Variants in UGT2A1 observed in about 807,000 individuals in gnomAD.
The protein encoded by UGT2A1 is UDP glucuronosyltransferase family 2 member A1 complex locus.
UGT2A1 carries 61 observed loss-of-function variants against 45.4 expected under a neutral mutation model. The ratio of observed to expected loss-of-function variants is 1.34; its 90% CI spans 1.09 to 1.66. UGT2A1 has a LOEUF of 1.66. UGT2A1 is among the 40% of genes most tolerant of loss of function. The probability of loss-of-function intolerance (pLI) is 0.00; values close to 1 mark genes in which losing one functional copy is unlikely to be tolerated. For synonymous variants in UGT2A1, 229 were observed against 196.2 expected (o/e 1.17, Z -1.40); for missense variants, 649 against 574.3 (o/e 1.13, Z -1.33).
intron 3 of UGT2A1, among the ~76,000 whole-genome samples, chr4:69,613,817 G>A (rs1560479100): frequency 6.6e-6 from 1 of 151,798 alleles, no homozygotes; most frequent in South Asian, 2.1e-4. Flanking sequence ...AGTATAGAAG[G>A]AACATAGCTC....
chr4:69,607,132 C>A (rs544263850), intron 3 of UGT2A1, among the ~76,000 whole-genome samples: 12 of 147,510 alleles, frequency 8.1e-5, no homozygotes. Context: ...GCCAAAAGAA[C>A]AAAGCTGGAG....
At chr4:69,611,131 G>GT (rs1489536029) in intron 3 of UGT2A1, among the ~76,000 whole-genome samples, 2 of 151,440 alleles carry the variant, frequency 1.3e-5, no homozygotes, top group Non-Finnish European at 2.9e-5. Context: ...GAAATCTACT[G>GT]TTTTTTGGGT....
At chr4:69,600,876 G>A (rs1017160866) in intron 3 of UGT2A1, among the ~76,000 whole-genome samples, 1 of 151,876 alleles carries the variant, frequency 6.6e-6, no homozygotes, top group Non-Finnish European at 1.5e-5. Context: ...GGAGGATGGC[G>A]CTAAACCTTT....
intron 3 of UGT2A1, among the ~76,000 whole-genome samples, chr4:69,624,960 G>T (rs1720957358): frequency 6.6e-6 from 1 of 151,152 alleles, no homozygotes; most frequent in African/African-American, 2.4e-5. Flanking sequence ...TCTTCAAGAA[G>T]TGGTGGTCTA....
chr4:69,637,189 T>C (rs1331640152), intron 2 of UGT2A1, among the ~76,000 whole-genome samples: 1 of 152,142 alleles, frequency 6.6e-6, no homozygotes, highest in Non-Finnish European at 1.5e-5. Context: ...AATTATGCCT[T>C]AAAGGAATTT....
chr4:69,616,858 GGTTTCTAA>G (rs1720436855), intron 3 of UGT2A1, among the ~76,000 whole-genome samples: 3 of 105,390 alleles, frequency 2.8e-5, no homozygotes, highest in African/African-American at 1.1e-4. Flanking sequence ...TTTGAATAGT[GGTTTCTAA>G]GTTTCATTTT....
At chr4:69,627,598 A>G (rs868634930) in intron 3 of UGT2A1, among the ~76,000 whole-genome samples, 7 of 149,112 alleles carry the variant, frequency 4.7e-5, no homozygotes, top group African/African-American at 1.7e-4. Context: ...AAGAAGAAAG[A>G]AAAGAAAGAA....
rs2109904992 is a variant in UGT2A1, at chr4:69,606,094, A to G, written c.848-6700T>C. Among the ~76,000 whole-genome samples the G allele has an allele frequency of 2.3e-5, 3 of 129,086 alleles. 1 individual carries two copies. The Middle Eastern group carries it at 0.012, about 525-fold the overall frequency. 84.7% of individuals were successfully genotyped at this position (129,086 alleles called of 152,430 possible). On this transcript the variant is annotated intron_variant, in intron 3 of 6. Transcript: ENST00000286604. ...TTTATGAGTCCAGCATCATCCTGAT[A>G]TCAAAGCCTGGCAGAGACACAACAA... is the stretch of plus-strand genomic sequence containing the variant.
At chr4:69,646,823 A>C (rs1380056970) in intron 2 of UGT2A1, 107 bp downstream of exon 2, 11 of 755,000 alleles carry the variant, frequency 1.5e-5, no homozygotes, top group Non-Finnish European at 2.3e-5. Flanking sequence ...TATATAGTAC[A>C]TCAATACTTG....
chr4:69,642,473 G>A (rs1294191649), intron 2 of UGT2A1, among the ~76,000 whole-genome samples: 3 of 151,710 alleles, frequency 2.0e-5, no homozygotes, highest in Non-Finnish European at 4.4e-5. Flanking sequence ...GACCTAAGTA[G>A]TAATGTATTA....
At chr4:69,597,853 A>G (rs1048224909) in intron 4 of UGT2A1, among the ~76,000 whole-genome samples, 3 of 152,132 alleles carry the variant, frequency 2.0e-5, no homozygotes, top group African/African-American at 7.2e-5. Context: ...TTATTTCATC[A>G]GCAATATAAC....
chr4:69,644,199 G>T (rs1263178202), intron 2 of UGT2A1, among the ~76,000 whole-genome samples: 3 of 151,628 alleles, frequency 2.0e-5, no homozygotes, highest in Admixed American at 1.3e-4. Context: ...AAGACTGAAA[G>T]AATAGTGTGC....
chr4:69,616,877 CCCACT>C (rs1463075704), intron 3 of UGT2A1, among the ~76,000 whole-genome samples: 2 of 80,468 alleles, frequency 2.5e-5, no homozygotes, highest in African/African-American at 8.9e-5. Flanking sequence ...GTTTCATTTT[CCCACT>C]TGAAATTGCC....
At chr4:69,645,910 GCA>G (rs573130919) in intron 2 of UGT2A1, among the ~76,000 whole-genome samples, 4 of 151,710 alleles carry the variant, frequency 2.6e-5, no homozygotes, top group Non-Finnish European at 5.9e-5. Flanking sequence ...TCAACTTTGA[GCA>G]CACTTTTCCT....
At chr4:69,612,192 C>A (rs190031867) in intron 3 of UGT2A1, among the ~76,000 whole-genome samples, 1 of 151,424 alleles carries the variant, frequency 6.6e-6, no homozygotes, top group African/African-American at 2.4e-5. Flanking sequence ...GTAACAGAGA[C>A]TAGAAATATT....
At chr4:69,600,227 C>T (rs1460331465) in intron 3 of UGT2A1, among the ~76,000 whole-genome samples, 5 of 152,248 alleles carry the variant, frequency 3.3e-5, no homozygotes, top group Admixed American at 1.3e-4. Context: ...TAACCCTACC[C>T]AGTACTGGAG....
At chr4:69,623,212 A>C (rs924023997) in intron 3 of UGT2A1, among the ~76,000 whole-genome samples, 1 of 151,784 alleles carries the variant, frequency 6.6e-6, no homozygotes, top group Non-Finnish European at 1.5e-5. Context: ...AAATCGTAGT[A>C]ATTGTGATTG....
At chr4:69,599,479 TA>T (rs1719132007) in intron 3 of UGT2A1, 85 bp from the exon 4 acceptor site, 2 of 1,565,320 alleles carry the variant, frequency 1.3e-6, no homozygotes, top group African/African-American at 2.8e-5. Flanking sequence ...AATTTCCTGA[TA>T]AGCTGTTAAG....
intron 3 of UGT2A1, among the ~76,000 whole-genome samples, chr4:69,616,065 T>C (rs1206206798): frequency 1.3e-5 from 2 of 151,988 alleles, no homozygotes; most frequent in Non-Finnish European, 2.9e-5. Flanking sequence ...TTGCAATAAC[T>C]TGGATGAATC....
Sources: allele counts gnomAD v4.1 joint callset (sites outside exome capture counted in the v4.1 genomes callset), GRCh38; gene constraint gnomAD v4.1.1; transcripts MANE v1.5; gene names NCBI Gene and HGNC (gene_info 2026-07-23, HGNC 2026-07-21).